Variants in KCNG3 observed in about 807,000 individuals in gnomAD.
The protein encoded by KCNG3 is voltage-gated potassium channel regulatory subunit KCNG3.
In KCNG3, 15 loss-of-function variants were observed where a neutral mutation model predicts 29.0. The ratio of observed to expected loss-of-function variants is 0.52; its 90% CI spans 0.35 to 0.80. The LOEUF is 0.80. Ranked by LOEUF, KCNG3 falls within the 30% of genes least tolerant of loss-of-function variation. KCNG3 has a pLI of 0.01. For missense variants in KCNG3, 512 were observed against 605.7 expected, an observed-to-expected ratio of 0.85 and a Z score of 1.62; for synonymous variants, 322 against 248.9, an observed-to-expected ratio of 1.29 and a Z score of -2.76.
chr2:42,417,326 G>T, the KCNG3 span, among the ~76,000 whole-genome samples: 2 of 152,150 alleles, frequency 1.3e-5, no homozygotes, highest in South Asian at 4.2e-4. Flanking sequence ...GTGTGTGGTG[G>T]GAGGAAGATT....
chr2:42,454,896 AGAG>A (rs1672842347), intron 1 of KCNG3, among the ~76,000 whole-genome samples: 2 of 152,150 alleles, frequency 1.3e-5, no homozygotes, highest in South Asian at 4.1e-4. Flanking sequence ...AAAAGGTGAA[AGAG>A]AAGAGTTGTT....
intron 1 of KCNG3, among the ~76,000 whole-genome samples, chr2:42,472,127 A>G (rs987602709): frequency 1.3e-5 from 2 of 152,220 alleles, no homozygotes; most frequent in Non-Finnish European, 2.9e-5. Flanking sequence ...AGGTAGATGC[A>G]TTAAAGAAGG....
chr2:42,488,422 T>C (rs982087334), intron 1 of KCNG3, among the ~76,000 whole-genome samples: 29 of 152,312 alleles, frequency 1.9e-4, no homozygotes, highest in African/African-American at 6.3e-4. Context: ...CTGCCTAGGC[T>C]GGAGTGCAGT....
At chr2:42,472,671 G>A (rs915821997) in intron 1 of KCNG3, among the ~76,000 whole-genome samples, 18 of 150,312 alleles carry the variant, frequency 1.2e-4, no homozygotes, top group African/African-American at 4.4e-4. Context: ...GCTAATTTTT[G>A]TATTTTTTGG....
intron 1 of KCNG3, among the ~76,000 whole-genome samples, chr2:42,464,798 T>C (rs1673100587): frequency 6.6e-6 from 1 of 152,180 alleles, no homozygotes; most frequent in Admixed American, 6.6e-5. Flanking sequence ...CTGATGTTCC[T>C]ACAGCAGTCA....
intron 1 of KCNG3, among the ~76,000 whole-genome samples, chr2:42,478,280 G>T (rs994299553): frequency 6.6e-6 from 1 of 152,152 alleles, no homozygotes. Context: ...ATGTTGCCCA[G>T]GTTGGAGTGC....
the KCNG3 span, among the ~76,000 whole-genome samples, chr2:42,419,247 T>TTTTTTTG: frequency 1.6e-5 from 2 of 126,050 alleles, no homozygotes; most frequent in Non-Finnish European, 3.3e-5. Context: ...TTTTTTTTTT[T>TTTTTTTG]TTTTTTGAGA....
the KCNG3 span, among the ~76,000 whole-genome samples, chr2:42,402,544 G>C: frequency 6.6e-6 from 1 of 151,456 alleles, no homozygotes; most frequent in African/African-American, 2.4e-5. Flanking sequence ...TTAAAGTTTT[G>C]TTTTTTCACG....
intron 1 of KCNG3, among the ~76,000 whole-genome samples, chr2:42,475,474 G>A (rs907998704): frequency 5.9e-5 from 9 of 151,686 alleles, no homozygotes; most frequent in Non-Finnish European, 1.3e-4. Context: ...GATAAGAGGT[G>A]CACATCATTA....
the KCNG3 span, among the ~76,000 whole-genome samples, chr2:42,428,881 A>G: frequency 0.61 from 92,124 of 151,870 alleles, 28,372 homozygotes; most frequent in East Asian, 0.77. Context: ...CACTTTGGGA[A>G]GCTGAGGTGG....
chr2:42,457,670 A>ACACACACACACACAC (rs1572847566), intron 1 of KCNG3, among the ~76,000 whole-genome samples: 1 of 32,432 alleles, frequency 3.1e-5, no homozygotes, highest in Non-Finnish European at 8.3e-5. Context: ...CACACACACA[A>ACACACACACACACAC]GGCTGGGCGC....
At chr2:42,451,029 A>T (rs538748056) in intron 1 of KCNG3, among the ~76,000 whole-genome samples, 1 of 151,612 alleles carries the variant, frequency 6.6e-6, no homozygotes, top group African/African-American at 2.4e-5. Context: ...ACATGGTGAA[A>T]CCCTGTCTCT....
the KCNG3 span, among the ~76,000 whole-genome samples, chr2:42,436,965 A>G: frequency 2.0e-5 from 3 of 152,216 alleles, no homozygotes; most frequent in Non-Finnish European, 4.4e-5. Context: ...GATGATAGGT[A>G]ACACAACAGA....
chr2:42,454,499 G>A (rs1394567099), intron 1 of KCNG3, among the ~76,000 whole-genome samples: 1 of 152,070 alleles, frequency 6.6e-6, no homozygotes, highest in Non-Finnish European at 1.5e-5. Flanking sequence ...ATCACCTGAG[G>A]TAAGGAGTTA....
At chr2:42,440,452 T>C (rs1477533582), downstream of KCNG3, 1 of 148,438 alleles carries the variant, frequency 6.7e-6, no homozygotes, top group Non-Finnish European at 1.5e-5. Flanking sequence ...ATTTCAAATA[T>C]TGTTTTGCAT....
At chr2:42,455,555 G>A (rs1179739780) in intron 1 of KCNG3, among the ~76,000 whole-genome samples, 1 of 152,130 alleles carries the variant, frequency 6.6e-6, no homozygotes, top group African/African-American at 2.4e-5. Context: ...GAGCCCAGGA[G>A]ATCTTGGAAT....
intron 1 of KCNG3, among the ~76,000 whole-genome samples, chr2:42,467,929 C>G (rs1005146268): frequency 4.6e-5 from 7 of 151,310 alleles, no homozygotes; most frequent in African/African-American, 1.7e-4. Flanking sequence ...CATTATCATG[C>G]CACTGCACAT....
intron 1 of KCNG3, among the ~76,000 whole-genome samples, chr2:42,469,215 G>A (rs1321442391): frequency 4.0e-5 from 6 of 151,724 alleles, no homozygotes; most frequent in African/African-American, 7.3e-5. Context: ...TCAGAAGGTG[G>A]AGACCAGCCT....
At chr2:42,491,512 G>C (rs924454782) in intron 1 of KCNG3, among the ~76,000 whole-genome samples, 1 of 151,598 alleles carries the variant, frequency 6.6e-6, no homozygotes, top group Non-Finnish European at 1.5e-5. Flanking sequence ...AAAAAAAAAA[G>C]GCATTTATGT....
Sources: allele counts gnomAD v4.1 joint callset (sites outside exome capture counted in the v4.1 genomes callset), GRCh38; gene constraint gnomAD v4.1.1; transcripts MANE v1.5; gene names NCBI Gene and HGNC (gene_info 2026-07-23, HGNC 2026-07-21).